The following ARHGEF3 variants were observed in gnomAD, a reference collection of about 807,000 sequenced individuals.
ARHGEF3 encodes Rho guanine nucleotide exchange factor 3.
A neutral mutation model predicts 63.2 loss-of-function variants in ARHGEF3; 28 were observed. The ratio of observed to expected loss-of-function variants is 0.44; its 90% CI spans 0.33 to 0.61. ARHGEF3 has a LOEUF of 0.61. ARHGEF3 is among the 20% of genes least tolerant of loss of function. ARHGEF3 has a pLI of 0.03. For synonymous variants in ARHGEF3, 266 were observed against 254.2 expected, an observed-to-expected ratio of 1.05 and a Z score of -0.44; for missense variants, 533 against 659.3, an observed-to-expected ratio of 0.81 and a Z score of 2.10.
intron 2 of ARHGEF3, among the ~76,000 whole-genome samples, chr3:57,034,299 T>TAA (rs34080875): frequency 0.26 from 36,343 of 138,894 alleles, 4,934 homozygotes; most frequent in Middle Eastern, 0.34. Context: ...ACAAATGGCT[T>TAA]AAAAAAAAAA....
chr3:57,002,043 C>T (rs142320596), intron 2 of ARHGEF3, among the ~76,000 whole-genome samples: 2 of 151,252 alleles, frequency 1.3e-5, no homozygotes, highest in African/African-American at 4.9e-5. Context: ...CCTGCCTCAG[C>T]CTCCTGAGTA....
intron 7 of ARHGEF3, among the ~76,000 whole-genome samples, chr3:56,741,785 G>A (rs554022367): frequency 6.6e-6 from 1 of 152,266 alleles, no homozygotes; most frequent in African/African-American, 2.4e-5. Flanking sequence ...TTACAGGCGT[G>A]AGCCACCGCG....
rs189021110 is a variant in ARHGEF3 at position 56,906,177 on chromosome 3, C to T, written c.130-23823G>A. Reference sequence around the variant, plus strand: ...CGCGCCCAGTCCAATATGGGAGCCACGAGGTACATGTGACTGTTTAAATTC... The same window carrying T: ...CGCGCCCAGTCCAATATGGGAGCCATGAGGTACATGTGACTGTTTAAATTC... On this transcript the variant is annotated intron_variant, in intron 3 of 12. Transcript: ENST00000338458. Among the ~76,000 whole-genome samples, 9 of 152,206 alleles carry T rather than the reference C, an allele frequency of 5.9e-5. No individual in the cohort carries two copies. The South Asian group carries it at 6.2e-4, about 11-fold the overall frequency.
chr3:57,042,684 ATATATATATATATATATTTTT>A (rs1387659491), intron 1 of ARHGEF3, among the ~76,000 whole-genome samples: 2 of 9,866 alleles, frequency 2.0e-4, no homozygotes, highest in African/African-American at 1.2e-3. Flanking sequence ...ATATATATAT[ATATATATATATATATATTTTT>A]TTTTTTTTTT....
intron 2 of ARHGEF3, among the ~76,000 whole-genome samples, chr3:57,023,284 A>G (rs564081555): frequency 6.6e-6 from 1 of 152,236 alleles, no homozygotes; most frequent in African/African-American, 2.4e-5. Context: ...TCCACTCTCA[A>G]TTCTACCACC....
At chr3:56,816,078 G>A (rs745500930) in intron 4 of ARHGEF3, among the ~76,000 whole-genome samples, 2 of 152,204 alleles carry the variant, frequency 1.3e-5, no homozygotes, top group African/African-American at 4.8e-5. Flanking sequence ...AGGAGGGCAT[G>A]ATGGTGCATT....
intron 2 of ARHGEF3, among the ~76,000 whole-genome samples, chr3:57,014,123 T>G (rs1167900498): frequency 6.6e-6 from 1 of 151,816 alleles, no homozygotes; most frequent in Non-Finnish European, 1.5e-5. Flanking sequence ...CGTGACCCCT[T>G]AAGAGCTGTA....
At chr3:56,892,771 C>G (rs1373751237) in intron 3 of ARHGEF3, among the ~76,000 whole-genome samples, 1 of 152,216 alleles carries the variant, frequency 6.6e-6, no homozygotes, top group Non-Finnish European at 1.5e-5. Context: ...TCACTTGGCT[C>G]GTGTTCCCGC....
chr3:57,073,388 G>A (rs1351708977), intron 1 of ARHGEF3: 7 of 311,914 alleles, frequency 2.2e-5, no homozygotes, highest in Middle Eastern at 9.2e-4. Flanking sequence ...GAAAGAGAGA[G>A]AAAGCCACTG....
chr3:56,923,048 AT>A lies in ARHGEF3; in HGVS notation c.129+35774del, dbSNP rs1560053714. Among the ~76,000 whole-genome samples the A allele has an allele frequency of 3.4e-3, 267 of 79,236 alleles. 7 individuals are homozygous for A. The highest frequency in any genetic ancestry group is 0.018 in the Middle Eastern group (2 of 110). The allele number at this position is 79,236 out of a possible 152,430, so 52.0% of individuals were successfully genotyped here. ...TAAATATATATATATATATATATAT[AT>A]ATATATATATATATATATATATATA... On this transcript the variant is annotated intron_variant, in intron 3 of 12. Coordinates refer to the ARHGEF3 transcript ENST00000338458.
At chr3:56,787,196 G>A (rs1299701833) in intron 1 of ARHGEF3, among the ~76,000 whole-genome samples, 1 of 152,092 alleles carries the variant, frequency 6.6e-6, no homozygotes, top group Non-Finnish European at 1.5e-5. Context: ...AGGATGAAGT[G>A]GAAGGTTCTT....
chr3:56,795,653 C>CTTTTTTTTTT (rs1324495358), intron 1 of ARHGEF3, among the ~76,000 whole-genome samples: 2 of 69,264 alleles, frequency 2.9e-5, no homozygotes, highest in African/African-American at 8.4e-5. Flanking sequence ...CAGTCTCTCT[C>CTTTTTTTTTT]TCTTTTTTTT....
chr3:57,055,458 G>A (rs954483006), intron 1 of ARHGEF3, among the ~76,000 whole-genome samples: 8 of 152,084 alleles, frequency 5.3e-5, no homozygotes, highest in African/African-American at 1.9e-4. Context: ...CACCCCGCCT[G>A]GCCCCTTTAT....
At chr3:57,054,697 G>A (rs1704833498) in intron 1 of ARHGEF3, among the ~76,000 whole-genome samples, 1 of 146,024 alleles carries the variant, frequency 6.8e-6, no homozygotes, top group African/African-American at 2.6e-5. Flanking sequence ...AGGCTGGAGT[G>A]CAGTAGTGCA....
chr3:56,933,679 C>T (rs2042472452), intron 3 of ARHGEF3, among the ~76,000 whole-genome samples: 1 of 152,122 alleles, frequency 6.6e-6, no homozygotes, highest in African/African-American at 2.4e-5. Context: ...CCTTGGCCTC[C>T]TAAATTGCTA....
At chr3:56,882,734 G>A (rs918839854) in intron 3 of ARHGEF3, among the ~76,000 whole-genome samples, 1 of 152,000 alleles carries the variant, frequency 6.6e-6, no homozygotes, top group Admixed American at 6.5e-5. Flanking sequence ...GGTCAGGCTG[G>A]TCTCGAACTC....
chr3:57,007,974 C>T (rs547767836), intron 2 of ARHGEF3, among the ~76,000 whole-genome samples: 1 of 152,174 alleles, frequency 6.6e-6, no homozygotes, highest in Non-Finnish European at 1.5e-5. Context: ...AGCTGGGCAC[C>T]TTGGGTTTGT....
intron 7 of ARHGEF3, among the ~76,000 whole-genome samples, chr3:56,741,184 CT>C (rs10662620): frequency 1.1e-3 from 147 of 128,852 alleles, no homozygotes; most frequent in South Asian, 4.1e-3. Flanking sequence ...TGCTTTGGTT[CT>C]TTTTTTTTTT....
chr3:56,960,081 G>GT (rs1231524942), intron 2 of ARHGEF3, among the ~76,000 whole-genome samples: 1 of 152,232 alleles, frequency 6.6e-6, no homozygotes, highest in Admixed American at 6.5e-5. Context: ...GTAGTGACCA[G>GT]TGTACAGGCT....
Sources: gnomAD v4.1 joint callset for allele counts (sites outside exome capture counted in the v4.1 genomes callset) on GRCh38, gnomAD v4.1.1 for gene constraint, MANE v1.5 for transcripts, NCBI Gene and HGNC (gene_info 2026-07-23, HGNC 2026-07-21) for gene names.